APBB1IP: variants seen among roughly 807,000 people sequenced by gnomAD.
APBB1IP encodes the protein amyloid beta A4 precursor protein-binding family B member 1-interacting protein.
A neutral mutation model predicts 64.9 loss-of-function variants in APBB1IP; 27 were observed. The ratio of observed to expected loss-of-function variants is 0.42; its 90% CI spans 0.31 to 0.57. The LOEUF (loss-of-function observed/expected upper bound fraction) is 0.57, where lower values mean the gene tolerates loss of function less well. Ranked by LOEUF, APBB1IP falls within the 20% of genes least tolerant of loss-of-function variation. APBB1IP has a pLI of 0.20. For synonymous variants in APBB1IP, 392 were observed against 331.0 expected (o/e 1.18, Z -2.00); for missense variants, 812 against 845.5 (o/e 0.96, Z 0.49).
At chr10:26,537,856 C>G (rs374471100) in intron 10 of APBB1IP, among the ~76,000 whole-genome samples, 4 of 149,604 alleles carry the variant, frequency 2.7e-5, no homozygotes, top group African/African-American at 9.8e-5. Context: ...ATCACTTGAA[C>G]TTGGGAGGTG....
intron 8 of APBB1IP, among the ~76,000 whole-genome samples, chr10:26,528,217 A>T (rs1202386374): frequency 6.6e-6 from 1 of 152,170 alleles, no homozygotes; most frequent in Non-Finnish European, 1.5e-5. Context: ...TTCTGGGGGA[A>T]GTTACTGCCC....
At chr10:26,480,982 T>G (rs1835828224) in intron 2 of APBB1IP, among the ~76,000 whole-genome samples, 2 of 152,194 alleles carry the variant, frequency 1.3e-5, no homozygotes, top group Admixed American at 1.3e-4. Flanking sequence ...CAAAAAATTC[T>G]AAATTGCATT....
rs533518167 is a variant in APBB1IP, at chr10:26,457,479, C to T, written c.-1+18626C>T. 5.9e-5 allele frequency among the ~76,000 whole-genome samples: 9 copies of T among 152,260 alleles called. No homozygotes were observed. The South Asian group carries it at 8.3e-4, about 14-fold the overall frequency. ...GGTATCCTTTACCCAGACATCCAGT[C>T]GCAGCCTCACTTCACTGCACTGTTC... On this transcript the variant is annotated intron_variant, in intron 2 of 14. Transcript: ENST00000376236.
chr10:26,521,458 G>C (rs79354272), intron 8 of APBB1IP, among the ~76,000 whole-genome samples: 177 of 152,318 alleles, frequency 1.2e-3, no homozygotes, highest in African/African-American at 4.1e-3. Flanking sequence ...CTGGGATCAT[G>C]ATGGCAAGCA....
At position 26,567,270 on chromosome 10, in the gene APBB1IP, G is replaced by A. The variant is rs1431675751; in HGVS notation, c.1783G>A (p.Gly595Ser). The change falls in exon 15 of 15, where the codon GGC becomes AGC. Residue 595 changes from glycine to serine, a missense_variant. Gly to Ser is a moderately conservative substitution (Grantham distance 56). Around this residue, in one of 3 missense-constraint regions of APBB1IP, gnomAD observed 381 missense variants for 352.1 expected, o/e 1.08. Transcript: ENST00000376236. ...PPPPSYAGIA[G>S]SELPPPPPPP... ...CCCGCCGTCGTACGCAGGGATCGCG[G>A]GCTCAGAGCTGCCCCCGCCGCCGCC... The A allele has an allele frequency of 8.2e-7, 1 of 1,225,114 alleles. No homozygotes were observed. Among genetic ancestry groups the A allele is most frequent in the Non-Finnish European group, 1.0e-6 (1 of 979,642 alleles). The allele number at this position is 1,225,114 out of a possible 1,614,324, so 75.9% of individuals were successfully genotyped here.
chr10:26,489,286 C>T (rs190227281), intron 2 of APBB1IP, among the ~76,000 whole-genome samples: 6 of 152,262 alleles, frequency 3.9e-5, no homozygotes, highest in Admixed American at 3.3e-4. Flanking sequence ...AAAGTCACTG[C>T]AGGGAGCAGA....
chr10:26,524,566 A>C (rs1836446490), intron 8 of APBB1IP, among the ~76,000 whole-genome samples: 1 of 152,218 alleles, frequency 6.6e-6, no homozygotes, highest in African/African-American at 2.4e-5. Context: ...GGAGACAGGA[A>C]TTGCAGGTAA....
At chr10:26,497,721 ATTTTTTTT>A (rs895511347) in intron 4 of APBB1IP, among the ~76,000 whole-genome samples, 9 of 100,356 alleles carry the variant, frequency 9.0e-5, no homozygotes, top group East Asian at 6.4e-4. Context: ...TGTCCTCTGG[ATTTTTTTT>A]TTTTTTTTTT....
At chr10:26,558,532 G>A (rs991123900) in intron 11 of APBB1IP, among the ~76,000 whole-genome samples, 3 of 151,504 alleles carry the variant, frequency 2.0e-5, no homozygotes, top group African/African-American at 7.3e-5. Flanking sequence ...TGTAATCCCA[G>A]CACTTTGGGA....
At chr10:26,450,504 A>T (rs966848553) in intron 2 of APBB1IP, among the ~76,000 whole-genome samples, 1 of 152,234 alleles carries the variant, frequency 6.6e-6, no homozygotes, top group Non-Finnish European at 1.5e-5. Flanking sequence ...ACTGTGTTTT[A>T]GTCAAATAGT....
At chr10:26,466,098 C>T (rs183689688) in intron 2 of APBB1IP, among the ~76,000 whole-genome samples, 1 of 152,310 alleles carries the variant, frequency 6.6e-6, no homozygotes, top group Admixed American at 6.5e-5. Flanking sequence ...GGAAACTGGG[C>T]TCATCTGGAG....
intron 2 of APBB1IP, among the ~76,000 whole-genome samples, chr10:26,463,031 AC>A: frequency 6.6e-6 from 1 of 152,318 alleles, no homozygotes. Flanking sequence ...AGACAGATCT[AC>A]CCTTTGGGTT....
intron 4 of APBB1IP, 107 bp downstream of exon 4, chr10:26,496,498 G>A (rs1222942513): frequency 1.7e-5 from 14 of 838,612 alleles, no homozygotes; most frequent in Non-Finnish European, 2.4e-5. Context: ...TAAACATCAT[G>A]ATAAATATTG....
At chr10:26,559,978 C>T (rs1836946127) in intron 11 of APBB1IP, 127 bp from the exon 12 acceptor site, 2 of 738,316 alleles carry the variant, frequency 2.7e-6, no homozygotes, top group South Asian at 3.3e-5. Context: ...CTTAACATTA[C>T]AACCAGTAAT....
chr10:26,467,441 A>G (rs899152481), intron 2 of APBB1IP, among the ~76,000 whole-genome samples: 1 of 152,190 alleles, frequency 6.6e-6, no homozygotes, highest in African/African-American at 2.4e-5. Flanking sequence ...CTTGCTAAAC[A>G]CAGATTATCG....
chr10:26,551,361 T>C (rs965947636), intron 11 of APBB1IP, among the ~76,000 whole-genome samples: 1 of 152,174 alleles, frequency 6.6e-6, no homozygotes, highest in Admixed American at 6.5e-5. Context: ...GGTACCGCAG[T>C]GGCTCAGGGG....
chr10:26,513,869 A>T (rs1294089048), intron 8 of APBB1IP, among the ~76,000 whole-genome samples: 1 of 152,166 alleles, frequency 6.6e-6, no homozygotes, highest in Non-Finnish European at 1.5e-5. Flanking sequence ...AGTAGCTGGG[A>T]CTACAGGCAT....
intron 6 of APBB1IP, among the ~76,000 whole-genome samples, chr10:26,511,456 A>C (rs1320690789): frequency 6.6e-6 from 1 of 152,122 alleles, no homozygotes; most frequent in Non-Finnish European, 1.5e-5. Context: ...AGAAGCTAAC[A>C]CTTTTTTTGT....
intron 11 of APBB1IP, among the ~76,000 whole-genome samples, chr10:26,546,867 G>A (rs932661456): frequency 4.6e-5 from 7 of 152,144 alleles, no homozygotes; most frequent in African/African-American, 1.7e-4. Context: ...TGAGAGGGCA[G>A]GTGTCTCTTT....
Sources: allele counts gnomAD v4.1 joint callset (sites outside exome capture counted in the v4.1 genomes callset), GRCh38; gene constraint gnomAD v4.1.1; regional missense constraint gnomAD v4.1.1; transcripts MANE v1.5; gene names NCBI Gene and HGNC (gene_info 2026-07-23, HGNC 2026-07-21).